MYO1H: variants seen among roughly 807,000 people sequenced by gnomAD.
The protein encoded by MYO1H is unconventional myosin-Ih.
A neutral mutation model predicts 149.3 loss-of-function variants in MYO1H; 118 were observed. The ratio of observed to expected loss-of-function variants is 0.79; its 90% CI spans 0.68 to 0.92. The LOEUF (loss-of-function observed/expected upper bound fraction) is 0.92. Ranked by LOEUF, MYO1H falls within the 40% of genes least tolerant of loss-of-function variation. The pLI, the probability that MYO1H is intolerant of heterozygous loss-of-function variation, is 0.00. For synonymous variants in MYO1H, 447 were observed against 465.2 expected (o/e 0.96, Z 0.50); for missense variants, 1,212 against 1,280.7 (o/e 0.95, Z 0.82).
intron 15 of MYO1H, among the ~76,000 whole-genome samples, chr12:109,416,188 C>T (rs1323297651): frequency 6.6e-6 from 1 of 152,028 alleles, no homozygotes; most frequent in Non-Finnish European, 1.5e-5. Context: ...TCCCAAAGTG[C>T]TGGGATTACA....
chr12:109,415,671 G>A, intron 15 of MYO1H, 51 bp downstream of exon 15: 1 of 1,366,034 alleles, frequency 7.3e-7, no homozygotes. Flanking sequence ...CCAGCCTGGT[G>A]TCTTACAATA....
the MYO1H span, among the ~76,000 whole-genome samples, chr12:109,327,025 T>C: frequency 6.6e-6 from 1 of 152,094 alleles, no homozygotes; most frequent in Non-Finnish European, 1.5e-5. Flanking sequence ...GTTTAAAATT[T>C]TGCTCATGGA....
At chr12:109,366,093 C>T (rs1390400913) in intron 1 of MYO1H, among the ~76,000 whole-genome samples, 2 of 152,178 alleles carry the variant, frequency 1.3e-5, no homozygotes, top group Non-Finnish European at 2.9e-5. Flanking sequence ...TTCTCCCGTC[C>T]ATGGAAAAAT....
chr12:109,406,156 G>A (rs766638346), intron 8 of MYO1H, 121 bp downstream of exon 8: 1 of 668,436 alleles, frequency 1.5e-6, no homozygotes, highest in Admixed American at 2.8e-5. Flanking sequence ...GCTGATATTG[G>A]TTAGGAGGTT....
At chr12:109,409,782 A>T (rs1469944) in intron 11 of MYO1H, among the ~76,000 whole-genome samples, 158 bp downstream of exon 11, 37,567 of 152,116 alleles carry the variant, frequency 0.25, 5,565 homozygotes, top group East Asian at 0.39. Flanking sequence ...CTAGATGTGG[A>T]CTAACCATAA....
intron 15 of MYO1H, among the ~76,000 whole-genome samples, chr12:109,417,447 C>T (rs922489652): frequency 2.0e-5 from 3 of 152,010 alleles, no homozygotes; most frequent in Non-Finnish European, 2.9e-5. Context: ...CCTGCCTCAG[C>T]CTCCCAAGTA....
chr12:109,327,272 T>C, the MYO1H span, among the ~76,000 whole-genome samples: 10 of 151,192 alleles, frequency 6.6e-5, no homozygotes, highest in African/African-American at 2.2e-4. Flanking sequence ...GCTGGGATTA[T>C]GGGCACCCAC....
the MYO1H span, among the ~76,000 whole-genome samples, chr12:109,342,000 T>G: frequency 9.9e-5 from 15 of 152,162 alleles, no homozygotes; most frequent in African/African-American, 3.6e-4. Context: ...GGCATTAATA[T>G]TATTTTGTTC....
At chr12:109,395,747 A>AC (rs1869864821) in intron 3 of MYO1H, among the ~76,000 whole-genome samples, 1 of 151,522 alleles carries the variant, frequency 6.6e-6, no homozygotes, top group Admixed American at 6.6e-5. Flanking sequence ...AAAAAAAAAA[A>AC]AATTCTCAAA....
chr12:109,371,187 G>A (rs1167006688), intron 1 of MYO1H, among the ~76,000 whole-genome samples: 4 of 148,670 alleles, frequency 2.7e-5, no homozygotes, highest in South Asian at 2.2e-4. Context: ...GTGTACACAC[G>A]TACATTGGTT....
At chr12:109,431,718 A>G (rs1871628603) in intron 19 of MYO1H, among the ~76,000 whole-genome samples, 1 of 152,194 alleles carries the variant, frequency 6.6e-6, no homozygotes, top group Non-Finnish European at 1.5e-5. Context: ...TTCTCTTTCT[A>G]GGGACTGCAG....
exon 16 of MYO1H, chr12:109,421,026 A>G: frequency 6.3e-7 from 1 of 1,575,452 alleles, no homozygotes; most frequent in Non-Finnish European, 8.7e-7. Context: ...CATCTGAAAG[A>G]AGTAAGTCTG....
At chr12:109,356,431 T>C (rs1177624550) in intron 1 of MYO1H, among the ~76,000 whole-genome samples, 2 of 152,172 alleles carry the variant, frequency 1.3e-5, no homozygotes, top group Non-Finnish European at 2.9e-5. Flanking sequence ...CAAATTCTTT[T>C]AGGTAAACAA....
intron 1 of MYO1H, among the ~76,000 whole-genome samples, chr12:109,355,802 C>T (rs557351066): frequency 6.6e-6 from 1 of 151,442 alleles, no homozygotes; most frequent in Non-Finnish European, 1.5e-5. Context: ...TCTTGGCTCA[C>T]TGCAACCTCT....
chr12:109,444,610 T>A (rs1339462898), intron 30 of MYO1H, 81 bp downstream of exon 30: 1 of 1,088,904 alleles, frequency 9.2e-7, no homozygotes, highest in Non-Finnish European at 1.4e-6. Context: ...CTCATGCCTA[T>A]AATCCCAGCA....
chr12:109,436,224 G>A (rs925220187), intron 21 of MYO1H, among the ~76,000 whole-genome samples: 1 of 152,104 alleles, frequency 6.6e-6, no homozygotes. Flanking sequence ...GGAACTGGGG[G>A]GCTTGTAGCA....
chr12:109,441,107 T>C (rs1482175823), intron 25 of MYO1H, among the ~76,000 whole-genome samples: 1 of 152,218 alleles, frequency 6.6e-6, no homozygotes, highest in East Asian at 1.9e-4. Flanking sequence ...CCCTTTCTGC[T>C]GGAAATCTGT....
At chr12:109,363,093 C>T (rs1233281162) in intron 1 of MYO1H, among the ~76,000 whole-genome samples, 1 of 152,224 alleles carries the variant, frequency 6.6e-6, no homozygotes, top group Non-Finnish European at 1.5e-5. Flanking sequence ...TCCTTCCTCA[C>T]CAGCACATTT....
chr12:109,336,763 C>G, the MYO1H span, among the ~76,000 whole-genome samples: 1 of 152,184 alleles, frequency 6.6e-6, no homozygotes, highest in African/African-American at 2.4e-5. Flanking sequence ...GCCTGGGTCA[C>G]ATGCCCAGTC....
Sources: gnomAD v4.1 joint callset for allele counts (sites outside exome capture counted in the v4.1 genomes callset) on GRCh38, gnomAD v4.1.1 for gene constraint, MANE v1.5 for transcripts, NCBI Gene and HGNC (gene_info 2026-07-23, HGNC 2026-07-21) for gene names.